The following DHX34 variants were observed in gnomAD, a reference collection of about 807,000 sequenced individuals.
DHX34 encodes probable ATP-dependent RNA helicase DHX34.
Under a neutral mutation model 111.1 loss-of-function variants are expected in DHX34, and 96 were observed. That is an observed-to-expected ratio of 0.86 (90% CI 0.73 to 1.02). The LOEUF (loss-of-function observed/expected upper bound fraction) is 1.02. Ranked by LOEUF, DHX34 falls within the 50% of genes least tolerant of loss-of-function variation. The pLI is 0.00. For missense variants in DHX34, 1,560 were observed against 1,579.9 expected (o/e 0.99, Z 0.21); for synonymous variants, 688 against 670.4 (o/e 1.03, Z -0.41).
intron 9 of DHX34, among the ~76,000 whole-genome samples, chr19:47,374,222 A>G (rs543319845): frequency 6.6e-6 from 1 of 152,020 alleles, no homozygotes; most frequent in Non-Finnish European, 1.5e-5. Flanking sequence ...GTGGATCACG[A>G]GGTCAGGAGA....
intron 7 of DHX34, among the ~76,000 whole-genome samples, chr19:47,368,653 C>T (rs957887204): frequency 7.0e-6 from 1 of 142,386 alleles, no homozygotes; most frequent in African/African-American, 2.5e-5. Context: ...CACACACACA[C>T]ACACACACAT....
In DHX34 at chr19:47,352,870, G is replaced by A. The variant is rs1165040841; in HGVS notation, c.-161G>A. On this transcript the variant is annotated 5_prime_UTR_variant, in exon 2 of 17. In the 5' UTR this introduces an upstream ATG that the reference lacks. Transcript: ENST00000328771. ...CAGGCCTCTGGCCACTTTATCATCT[G>A]TGGTGGTCCTGTGCCGTGACCAGGA... 17 of 1,406,806 alleles carry A rather than the reference G, an allele frequency of 1.2e-5. No homozygotes were observed. The highest frequency in any genetic ancestry group is 1.4e-5 in the African/African-American group (1 of 69,072). 87.1% of individuals were successfully genotyped at this position (1,406,806 alleles called of 1,614,324 possible).
In DHX34 at chr19:47,377,141, T is replaced by A; in HGVS notation, c.2641T>A (p.Phe881Ile). 1 of 1,613,996 alleles carries A rather than the reference T, an allele frequency of 6.2e-7. No homozygotes were observed. The highest frequency in any genetic ancestry group is 8.5e-7 in the Non-Finnish European group (1 of 1,179,974). The change falls in exon 13 of 17, where the codon TTC (phenylalanine) becomes ATC (isoleucine). Residue 881 changes from phenylalanine (F) to isoleucine (I), a missense_variant. By Grantham distance (21) the Phe-to-Ile change is conservative. Coordinates refer to ENST00000328771, the MANE Select transcript of DHX34 (RefSeq NM_014681.6). ...GAGCAGCAAACACCAGCTCCTCAGC[T>A]TCGTGTCCCTGCTGGAGACCAACAA... ...KMSSKHQLLS[F>I]VSLLETNKPY... is the part of the protein sequence containing the mutation.
chr19:47,356,503 G>A (rs62130470), intron 3 of DHX34, among the ~76,000 whole-genome samples: 2,475 of 151,860 alleles, frequency 0.016, 29 homozygotes, highest in Non-Finnish European at 0.026. Context: ...GGTGACGCAC[G>A]CCTGTAATCC....
At chr19:47,351,184 T>C (rs958562617) in intron 1 of DHX34, among the ~76,000 whole-genome samples, 4 of 137,748 alleles carry the variant, frequency 2.9e-5, no homozygotes, top group Admixed American at 1.4e-4. Flanking sequence ...TTTTTTTTTT[T>C]TTTTTTTTTT....
chr19:47,376,866 AG>A, intron 12 of DHX34: 1 of 1,532,734 alleles, frequency 6.5e-7, no homozygotes, highest in African/African-American at 1.4e-5. Flanking sequence ...GGTCCTGCAG[AG>A]GGAGGCCCCC....
Position 47,381,209 on chromosome 19 carries a change from C to CT in DHX34, c.3184dup (p.Cys1062LeufsTer26). 6.2e-7 allele frequency: 1 copy of CT among 1,614,068 alleles called. No homozygotes were observed. ...AGAATGACACAGACCTGTACAGCGACTGTCTCCGAACCTTCTGGACCTGCC... is the reference window on the plus strand; with the variant it reads ...AGAATGACACAGACCTGTACAGCGACTTGTCTCCGAACCTTCTGGACCTGCC... On this transcript the variant is annotated frameshift_variant, in exon 16 of 17. Coordinates refer to ENST00000328771, the MANE Select transcript of DHX34 (RefSeq NM_014681.6). LOFTEE classifies it high-confidence loss of function.
At chr19:47,373,745 C>G (rs774486161) in intron 9 of DHX34, 45 bp downstream of exon 9, 1 of 1,590,642 alleles carries the variant, frequency 6.3e-7, no homozygotes, top group Non-Finnish European at 8.6e-7. Context: ...CTCAGGCAGA[C>G]GTGTGTAAGC....
At chr19:47,363,837 A>AAG (rs559066068) in intron 6 of DHX34, among the ~76,000 whole-genome samples, 1 of 145,686 alleles carries the variant, frequency 6.9e-6, no homozygotes, top group African/African-American at 2.7e-5. Context: ...AAAAAAAAAA[A>AAG]TGTCCATAGG....
rs764376863 is a variant in DHX34, at chr19:47,379,147, T to TAAG, written c.2707-561_2707-560insGAA. Among the ~76,000 whole-genome samples, 58 of 106,236 alleles carry TAAG rather than the reference T, an allele frequency of 5.5e-4. 1 individual carries two copies. The Middle Eastern group carries it at 0.019, about 36-fold the overall frequency. 69.7% of individuals were successfully genotyped at this position (106,236 alleles called of 152,430 possible). A position where few individuals can be genotyped will look rare whatever the true frequency, so the allele number is the denominator to read the frequency against. ...CATCTCAAATAAATAAATAAATTAA[T>TAAG]AATAATAATAATAAGAAGAAGAAGA... On this transcript the variant is annotated intron_variant, in intron 13 of 16. Transcript: ENST00000328771.
chr19:47,353,907 G>T lies in DHX34; in HGVS notation c.705+172G>T, dbSNP rs1034722363. Among the ~76,000 whole-genome samples the T allele has an allele frequency of 2.0e-5, 3 of 152,308 alleles. No individual in the cohort carries two copies. In the East Asian group the frequency reaches 5.8e-4, roughly 29 times the overall value. On this transcript the variant is annotated intron_variant, in intron 2 of 16. Transcript: ENST00000328771. This position sits in a 1 kb window ranked among gnomAD's most constrained non-coding sequence, Gnocchi z 4.6. ...TGTCTGTGGTCTACATGACAAAGGA[G>T]CTAGCATTAACCAGTGTAGCACTTT...
intron 6 of DHX34, among the ~76,000 whole-genome samples, chr19:47,365,269 T>G (rs1468008316): frequency 6.6e-6 from 1 of 151,560 alleles, no homozygotes; most frequent in East Asian, 1.9e-4. Context: ...TATTTATTTT[T>G]GGGACAGAGT....
chr19:47,361,097 G>C (rs1228927351), intron 5 of DHX34, among the ~76,000 whole-genome samples: 1 of 152,174 alleles, frequency 6.6e-6, no homozygotes, highest in Non-Finnish European at 1.5e-5. Flanking sequence ...TTTAGTGCTG[G>C]CTGTGTGGCT....
At chr19:47,352,101 A>G in intron 1 of DHX34, among the ~76,000 whole-genome samples, 1 of 152,218 alleles carries the variant, frequency 6.6e-6, no homozygotes. Context: ...TTGGTTGGCC[A>G]TGTGACCTAC....
At chr19:47,377,009 C>T (rs540897379) in intron 12 of DHX34, 91 bp from the exon 13 acceptor site, 35 of 1,596,734 alleles carry the variant, frequency 2.2e-5, no homozygotes, top group South Asian at 4.5e-5. Flanking sequence ...CTCTTTCTAT[C>T]GATGTGTACT....
In DHX34 at chr19:47,380,925, C is replaced by A. The variant is rs765309753; in HGVS notation, c.3092C>A (p.Thr1031Asn). 2 of 1,611,092 alleles carry A rather than the reference C, an allele frequency of 1.2e-6. No individual in the cohort carries two copies. Among genetic ancestry groups the A allele is most frequent in the Admixed American group, 3.4e-5 (2 of 59,498 alleles). ...CTTCCTGGCCTCTTTGGCAGCTCCACCCTGTCCCCCCACCCCACAAAGGGG... is the reference window on the plus strand; with the variant it reads ...CTTCCTGGCCTCTTTGGCAGCTCCAACCTGTCCCCCCACCCCACAAAGGGG... ...PHLPGLFGSSTLSPHPTKGGY... is the reference protein window; with the variant it reads ...PHLPGLFGSSNLSPHPTKGGY... Residue 1031 changes from threonine to asparagine, a missense_variant, in exon 15 of 17, where the codon ACC (threonine) becomes AAC (asparagine). Physicochemically the swap from Thr to Asn is moderately conservative, Grantham distance 65. Transcript: ENST00000328771.
intron 3 of DHX34, among the ~76,000 whole-genome samples, chr19:47,355,966 G>A (rs924008146): frequency 3.9e-5 from 6 of 152,140 alleles, no homozygotes; most frequent in African/African-American, 1.4e-4. Context: ...TGGTCATTCA[G>A]GGATCCGGGC....
At chr19:47,372,178 G>T (rs2694559) in intron 7 of DHX34, among the ~76,000 whole-genome samples, 12 of 151,140 alleles carry the variant, frequency 7.9e-5, no homozygotes, top group African/African-American at 2.2e-4. Flanking sequence ...CCATGTCTTC[G>T]CCTTCTGTCC....
intron 7 of DHX34, among the ~76,000 whole-genome samples, chr19:47,372,458 C>T (rs192934940): frequency 7.4e-4 from 112 of 152,246 alleles, no homozygotes; most frequent in African/African-American, 2.5e-3. Context: ...GAGTAGTCAG[C>T]GCTTAGACAG....
Sources: allele counts gnomAD v4.1 joint callset (sites outside exome capture counted in the v4.1 genomes callset), GRCh38; gene constraint gnomAD v4.1.1; non-coding constraint Gnocchi (gnomAD v3.1); transcripts MANE v1.5; gene names NCBI Gene and HGNC (gene_info 2026-07-23, HGNC 2026-07-21).